PLPPR1: variants seen among roughly 807,000 people sequenced by gnomAD.
The protein encoded by PLPPR1 is phospholipid phosphatase related 1.
In PLPPR1, 10 loss-of-function variants were observed where a neutral mutation model predicts 33.1. That is an observed-to-expected ratio of 0.30 (90% CI 0.19 to 0.51). The LOEUF (loss-of-function observed/expected upper bound fraction) is 0.51. Among genes scored for constraint, PLPPR1 ranks in the 20% least tolerant of loss-of-function variants. The pLI, the probability that PLPPR1 is intolerant of heterozygous loss-of-function variation, is 0.97. For synonymous variants in PLPPR1, 151 were observed against 151.0 expected (o/e 1.00, Z 0.00); for missense variants, 304 against 408.1 (o/e 0.74, Z 2.20).
Position 101,294,759 on chromosome 9 carries a change from T to C in PLPPR1, c.385+8523T>C, listed in dbSNP as rs371498533. On this transcript the variant is annotated intron_variant, in intron 4 of 7. Coordinates refer to ENST00000374874, the MANE Select transcript of PLPPR1 (RefSeq NM_207299.2). ...CTTTGACAAAATTCAACAACCTTCA[T>C]GCTAAAAACTCTCAATAAATTAGGT... is the stretch of plus-strand genomic sequence containing the variant. Among the ~76,000 whole-genome samples the C allele has an allele frequency of 1.5e-4, 23 of 152,184 alleles. No homozygotes were observed. The East Asian group carries it at 4.3e-3, about 28-fold the overall frequency.
At chr9:101,289,548 C>G (rs992386393) in intron 4 of PLPPR1, among the ~76,000 whole-genome samples, 1 of 152,214 alleles carries the variant, frequency 6.6e-6, no homozygotes, top group Admixed American at 6.5e-5. Context: ...GTGAGAGGGA[C>G]CTGGTAGGAG....
intron 1 of PLPPR1, among the ~76,000 whole-genome samples, chr9:101,130,234 C>T (rs1306263305): frequency 2.6e-5 from 4 of 152,156 alleles, no homozygotes; most frequent in Non-Finnish European, 4.4e-5. Context: ...CTGCATCTCC[C>T]TTTAGTATTC....
chr9:101,209,228 G>A (rs1826641243), intron 2 of PLPPR1, among the ~76,000 whole-genome samples: 1 of 152,178 alleles, frequency 6.6e-6, no homozygotes, highest in Non-Finnish European at 1.5e-5. Flanking sequence ...TGTGTGTTCT[G>A]TGTTCCATTT....
intron 1 of PLPPR1, among the ~76,000 whole-genome samples, chr9:101,130,549 C>A (rs1302638138): frequency 6.6e-6 from 1 of 152,208 alleles, no homozygotes; most frequent in Non-Finnish European, 1.5e-5. Flanking sequence ...TTGTTAAGCA[C>A]TTATTTTTTG....
At chr9:101,321,383 C>A (rs1348724720) in intron 7 of PLPPR1, among the ~76,000 whole-genome samples, 6 of 152,138 alleles carry the variant, frequency 3.9e-5, no homozygotes, top group African/African-American at 1.2e-4. Context: ...TCTGTGATTC[C>A]CCTTAGTATA....
At chr9:101,085,722 A>G (rs1005941005) in intron 1 of PLPPR1, among the ~76,000 whole-genome samples, 4 of 152,180 alleles carry the variant, frequency 2.6e-5, no homozygotes, top group Admixed American at 2.6e-4. Context: ...AGGGACTTTA[A>G]ATGAGGCTGG....
rs116614616 is a variant in PLPPR1 at position 101,130,300 on chromosome 9, T to G, written c.-45-55150T>G. On this transcript the variant is annotated intron_variant, in intron 1 of 7. Coordinates refer to ENST00000374874, the MANE Select transcript of PLPPR1 (RefSeq NM_207299.2). ...TCCTGCTTTGAGACAATCACACAGA[T>G]GACGCTGAGCAGATTGGGGGCATTC... Among the ~76,000 whole-genome samples the G allele has an allele frequency of 2.7e-3, 408 of 152,298 alleles. 3 individuals are homozygous for G. Among genetic ancestry groups the G allele is most frequent in the African/African-American group, 9.4e-3 (392 of 41,576 alleles).
At chr9:101,283,399 C>A (rs1013858202) in intron 3 of PLPPR1, among the ~76,000 whole-genome samples, 2 of 152,164 alleles carry the variant, frequency 1.3e-5, no homozygotes, top group Admixed American at 6.5e-5. Context: ...GTGTCAAGCA[C>A]ACCCAATGGG....
intron 1 of PLPPR1, among the ~76,000 whole-genome samples, chr9:101,161,151 G>A (rs1395373017): frequency 6.6e-6 from 1 of 152,136 alleles, no homozygotes; most frequent in Admixed American, 6.6e-5. Flanking sequence ...GATTTTCTGA[G>A]CTGACTACAA....
chr9:101,244,705 G>A (rs1432888681), intron 2 of PLPPR1, among the ~76,000 whole-genome samples: 2 of 151,738 alleles, frequency 1.3e-5, no homozygotes, highest in East Asian at 3.9e-4. Context: ...ATGCATCTTT[G>A]ATGTAGTGAA....
chr9:101,084,622 T>C (rs1374196223), intron 1 of PLPPR1, among the ~76,000 whole-genome samples: 1 of 152,238 alleles, frequency 6.6e-6, no homozygotes, highest in Non-Finnish European at 1.5e-5. Context: ...ATGTACGATG[T>C]GACAGTTTGC....
chr9:101,065,967 C>A (rs549015408), intron 1 of PLPPR1, among the ~76,000 whole-genome samples: 1 of 152,130 alleles, frequency 6.6e-6, no homozygotes, highest in East Asian at 1.9e-4. Flanking sequence ...AATATTGATA[C>A]ACTTATTAAC....
intron 2 of PLPPR1, among the ~76,000 whole-genome samples, chr9:101,222,424 G>A (rs1826964253): frequency 6.6e-6 from 1 of 152,174 alleles, no homozygotes; most frequent in South Asian, 2.1e-4. Context: ...TCTGCAGAGG[G>A]CTAGCCTTCT....
At chr9:101,062,215 T>C (rs1830356522) in intron 1 of PLPPR1, among the ~76,000 whole-genome samples, 1 of 151,488 alleles carries the variant, frequency 6.6e-6, no homozygotes, top group African/African-American at 2.4e-5. Context: ...AACCTGAGCA[T>C]TTCATGCAAA....
At chr9:101,169,444 T>C (rs1351820791) in intron 1 of PLPPR1, among the ~76,000 whole-genome samples, 1 of 152,152 alleles carries the variant, frequency 6.6e-6, no homozygotes, top group Non-Finnish European at 1.5e-5. Context: ...GATGGTGTTT[T>C]CCTACTTAGC....
chr9:101,283,135 C>A (rs1257716828), intron 3 of PLPPR1, among the ~76,000 whole-genome samples: 1 of 152,080 alleles, frequency 6.6e-6, no homozygotes, highest in South Asian at 2.1e-4. Context: ...CCACACCCAG[C>A]TATCAATGAT....
chr9:101,229,893 C>T (rs915790209), intron 2 of PLPPR1, among the ~76,000 whole-genome samples: 14 of 152,160 alleles, frequency 9.2e-5, no homozygotes, highest in Admixed American at 4.6e-4. Flanking sequence ...CAGTGGCAAA[C>T]GTGCACTTCC....
chr9:101,230,224 A>G (rs1341447431), intron 2 of PLPPR1, among the ~76,000 whole-genome samples: 1 of 152,182 alleles, frequency 6.6e-6, no homozygotes, highest in Non-Finnish European at 1.5e-5. Context: ...TTGTTTAAAC[A>G]TTAAGGATAT....
chr9:101,032,406 C>G (rs1829956779), intron 1 of PLPPR1, among the ~76,000 whole-genome samples: 1 of 151,998 alleles, frequency 6.6e-6, no homozygotes, highest in Non-Finnish European at 1.5e-5. Context: ...TAGGGGTGGA[C>G]AAGAGGAGAT....
Sources: gnomAD v4.1 joint callset for allele counts (sites outside exome capture counted in the v4.1 genomes callset) on GRCh38, gnomAD v4.1.1 for gene constraint, MANE v1.5 for transcripts, NCBI Gene and HGNC (gene_info 2026-07-23, HGNC 2026-07-21) for gene names.